SPMIP3: variants seen among roughly 807,000 people sequenced by gnomAD.
The protein encoded by SPMIP3 is protein SPMIP3.
chr1:244,357,607 G>T, the SPMIP3 span, among the ~76,000 whole-genome samples: 1 of 151,446 alleles, frequency 6.6e-6, no homozygotes, highest in South Asian at 2.1e-4. Context: ...TACTCAGGAG[G>T]CTGAGGCAGA....
At chr1:244,384,237 C>G in the SPMIP3 span, among the ~76,000 whole-genome samples, 1 of 152,142 alleles carries the variant, frequency 6.6e-6, no homozygotes, top group Non-Finnish European at 1.5e-5. Context: ...GGGTCTCACT[C>G]CCATTGCCCA....
At chr1:244,367,792 T>C in the SPMIP3 span, among the ~76,000 whole-genome samples, 7 of 152,036 alleles carry the variant, frequency 4.6e-5, no homozygotes, top group Non-Finnish European at 1.0e-4. Context: ...AAGACCACAG[T>C]TAAATAGGCC....
At chr1:244,374,935 A>C in the SPMIP3 span, among the ~76,000 whole-genome samples, 1 of 151,618 alleles carries the variant, frequency 6.6e-6, no homozygotes, top group Non-Finnish European at 1.5e-5. Context: ...CATTTGCCCC[A>C]TTGGTTTTAT....
the SPMIP3 span, among the ~76,000 whole-genome samples, chr1:244,366,359 G>T: frequency 7.2e-3 from 1,095 of 152,152 alleles, 13 homozygotes; most frequent in African/African-American, 0.025. Flanking sequence ...TAGAGACCAG[G>T]TCTCACTATG....
At chr1:244,360,471 T>G in the SPMIP3 span, among the ~76,000 whole-genome samples, 3 of 149,894 alleles carry the variant, frequency 2.0e-5, no homozygotes, top group Non-Finnish European at 4.4e-5. Flanking sequence ...TCAACCCAAG[T>G]GTCTATCAAT....
the SPMIP3 span, among the ~76,000 whole-genome samples, chr1:244,361,509 G>A: frequency 2.6e-5 from 4 of 152,108 alleles, no homozygotes; most frequent in Admixed American, 2.0e-4. Flanking sequence ...GATTACAGGC[G>A]TGAGCCACCG....
the SPMIP3 span, among the ~76,000 whole-genome samples, chr1:244,356,977 C>A: frequency 7.7e-6 from 1 of 130,522 alleles, no homozygotes; most frequent in Non-Finnish European, 1.5e-5. Context: ...GGCTGGATTG[C>A]AGTGGCATCA....
chr1:244,380,606 A>C, the SPMIP3 span, among the ~76,000 whole-genome samples: 3 of 152,120 alleles, frequency 2.0e-5, no homozygotes, highest in Non-Finnish European at 4.4e-5. Flanking sequence ...GCGGTAGGAG[A>C]AGCAGAATTC....
the SPMIP3 span, among the ~76,000 whole-genome samples, chr1:244,387,498 TAGG>T: frequency 1.1e-5 from 1 of 93,622 alleles, no homozygotes; most frequent in African/African-American, 5.8e-5. Context: ...TCACCCAAGG[TAGG>T]AGAGTGGGTG....
At chr1:244,388,807 C>T in the SPMIP3 span, 1 of 588,124 alleles carries the variant, frequency 1.7e-6, no homozygotes. Flanking sequence ...TGACTGAGTC[C>T]TTTTTCCCAC....
At chr1:244,368,884 G>C in the SPMIP3 span, among the ~76,000 whole-genome samples, 1 of 152,216 alleles carries the variant, frequency 6.6e-6, no homozygotes, top group African/African-American at 2.4e-5. Flanking sequence ...ATATTGGCCG[G>C]GTGCGGTGGC....
the SPMIP3 span, among the ~76,000 whole-genome samples, chr1:244,354,437 G>A: frequency 6.8e-6 from 1 of 147,644 alleles, no homozygotes; most frequent in South Asian, 2.1e-4. Context: ...GCTCACTGAA[G>A]CTTCCACCTC....
chr1:244,369,192 C>T, the SPMIP3 span, among the ~76,000 whole-genome samples: 1 of 152,138 alleles, frequency 6.6e-6, no homozygotes, highest in South Asian at 2.1e-4. Flanking sequence ...CAACTGTTTA[C>T]TGGTGCCATC....
chr1:244,383,341 A>G, the SPMIP3 span, among the ~76,000 whole-genome samples: 1 of 151,910 alleles, frequency 6.6e-6, no homozygotes, highest in Non-Finnish European at 1.5e-5. Flanking sequence ...GTGAGAACCC[A>G]CTCCTACAAA....
chr1:244,372,681 G>A, the SPMIP3 span, among the ~76,000 whole-genome samples: 9 of 152,074 alleles, frequency 5.9e-5, no homozygotes, highest in Admixed American at 3.3e-4. Flanking sequence ...CTGACCTTGC[G>A]ATCCGCCCGC....
At chr1:244,363,853 C>A in the SPMIP3 span, among the ~76,000 whole-genome samples, 1 of 152,210 alleles carries the variant, frequency 6.6e-6, no homozygotes, top group Admixed American at 6.5e-5. Flanking sequence ...AAGGCAGCAG[C>A]CTCTGCCTAA....
At chr1:244,375,841 A>AT in the SPMIP3 span, among the ~76,000 whole-genome samples, 1 of 151,858 alleles carries the variant, frequency 6.6e-6, no homozygotes. Flanking sequence ...ATTTTTTTGT[A>AT]TTTTTAGTAG....
chr1:244,360,186 C>T, the SPMIP3 span, among the ~76,000 whole-genome samples: 1 of 152,018 alleles, frequency 6.6e-6, no homozygotes, highest in South Asian at 2.1e-4. Flanking sequence ...CACCTCAGTT[C>T]AAATGTCTTT....
chr1:244,355,149 G>A, the SPMIP3 span, among the ~76,000 whole-genome samples: 1 of 152,184 alleles, frequency 6.6e-6, no homozygotes, highest in Admixed American at 6.5e-5. Flanking sequence ...GACAGACCTG[G>A]CTGTGTGAAC....
Sources: allele counts gnomAD v4.1 joint callset (sites outside exome capture counted in the v4.1 genomes callset), GRCh38; gene constraint gnomAD v4.1.1; transcripts MANE v1.5; gene names NCBI Gene and HGNC (gene_info 2026-07-23, HGNC 2026-07-21).